Variants in COPB1 observed in about 807,000 individuals in gnomAD.
COPB1 encodes coat protein complex I subunit beta 1, also known as coatomer subunit beta.
COPB1 carries 21 observed loss-of-function variants against 108.7 expected under a neutral mutation model. That is an observed-to-expected ratio of 0.19 (90% CI 0.14 to 0.28). The LOEUF is 0.28. COPB1 is among the 10% of genes least tolerant of loss of function. The pLI, the probability that COPB1 is intolerant of heterozygous loss-of-function variation, is 1.00. For missense variants in COPB1, 919 were observed against 1,141.3 expected (o/e 0.81, Z 2.81); for synonymous variants, 378 against 386.8 (o/e 0.98, Z 0.27).
chr11:14,498,454 A>G (rs1185430635), intron 2 of COPB1, among the ~76,000 whole-genome samples: 1 of 152,166 alleles, frequency 6.6e-6, no homozygotes, highest in Non-Finnish European at 1.5e-5. Context: ...CAAAGAACAA[A>G]GTTCTTTTGG....
intron 14 of COPB1, among the ~76,000 whole-genome samples, chr11:14,472,458 C>A (rs1055045949): frequency 6.6e-6 from 1 of 152,110 alleles, no homozygotes. Context: ...TTCTTAAGAG[C>A]CCTAGGATTT....
chr11:14,494,025 A>T (rs1850966720), intron 3 of COPB1, among the ~76,000 whole-genome samples, 185 bp downstream of exon 3: 1 of 152,216 alleles, frequency 6.6e-6, no homozygotes, highest in South Asian at 2.1e-4. Context: ...ATATACACAT[A>T]AAATGCATAG....
intron 20 of COPB1, among the ~76,000 whole-genome samples, chr11:14,459,071 T>C (rs1448442512): frequency 6.6e-6 from 1 of 152,082 alleles, no homozygotes; most frequent in Non-Finnish European, 1.5e-5. Context: ...CCCAGCCCCA[T>C]TGGTTATTTA....
intron 11 of COPB1, among the ~76,000 whole-genome samples, chr11:14,479,176 T>C (rs1404297905): frequency 6.6e-6 from 1 of 152,186 alleles, no homozygotes; most frequent in Non-Finnish European, 1.5e-5. Context: ...GCAACAGTCC[T>C]TTCTCATTAG....
intron 7 of COPB1, 82 bp downstream of exon 7, chr11:14,486,285 G>C (rs1850772522): frequency 1.3e-6 from 2 of 1,500,924 alleles, no homozygotes; most frequent in African/African-American, 2.8e-5. Flanking sequence ...TAACCACATA[G>C]TGAATTGAAA....
At chr11:14,477,401 A>AAAAAAAAAAAAAAAAC in intron 11 of COPB1, among the ~76,000 whole-genome samples, 1 of 149,220 alleles carries the variant, frequency 6.7e-6, no homozygotes, top group Non-Finnish European at 1.5e-5. Flanking sequence ...AAAAAAAAAA[A>AAAAAAAAAAAAAAAAC]AAAACAAGGG....
At chr11:14,482,019 T>C (rs1208208970) in intron 8 of COPB1, among the ~76,000 whole-genome samples, 1 of 152,186 alleles carries the variant, frequency 6.6e-6, no homozygotes, top group Non-Finnish European at 1.5e-5. Flanking sequence ...CTCGAACTCC[T>C]GACCTCAGGT....
chr11:14,490,890 A>G (rs2134124936), intron 4 of COPB1, among the ~76,000 whole-genome samples: 1 of 152,006 alleles, frequency 6.6e-6, no homozygotes, highest in Non-Finnish European at 1.5e-5. Flanking sequence ...CCAGGGTTCA[A>G]GCAATTCTCC....
Position 14,468,719 on chromosome 11 carries a change from T to A in COPB1, c.2107A>T (p.Lys703Ter), listed in dbSNP as rs1439160656. 6.2e-7 allele frequency: 1 copy of A among 1,614,168 alleles called. No individual in the cohort carries two copies. Among genetic ancestry groups the A allele is most frequent in the Non-Finnish European group, 8.5e-7 (1 of 1,180,026 alleles). ...LLAAMGNTQR[K>*]EAADPLASKL... ...GATGCTAGGGGATCTGCTGCCTCTT[T>A]CCTCTGTGTGTTACCCATTGCTGCC... is the stretch of plus-strand genomic sequence containing the variant. Residue 703 changes from lysine (K) to a stop codon, truncating the protein, a stop_gained, in exon 16 of 22, where the codon AAA becomes TAA. Transcript: ENST00000439561. LOFTEE classifies it high-confidence loss of function.
chr11:14,479,271 T>C (rs1242892471), intron 11 of COPB1, among the ~76,000 whole-genome samples: 1 of 152,198 alleles, frequency 6.6e-6, no homozygotes, highest in South Asian at 2.1e-4. Flanking sequence ...ATATAAATAA[T>C]AGTAATAGCC....
chr11:14,494,270 T>C lies in COPB1; in HGVS notation c.261A>G (p.Lys87=), dbSNP rs1249373749. 1.2e-6 allele frequency: 2 copies of C among 1,613,772 alleles called. No individual in the cohort carries two copies. Among genetic ancestry groups the C allele is most frequent in the African/African-American group, 2.7e-5 (2 of 74,910 alleles). The change falls in exon 3 of 22, where the codon AAA becomes AAG. Residue 87 remains lysine (K), a synonymous_variant. Coordinates refer to ENST00000439561, the MANE Select transcript of COPB1 (RefSeq NM_001144061.2). ...LLLVFWEIVP[K]TTPDGRLLHE... ...GTAAAAGTCTCCCATCTGGAGTTGT[T>C]TTAGGAACAATTTCCCAAAATACCA... is the stretch of plus-strand genomic sequence containing the variant.
intron 8 of COPB1, among the ~76,000 whole-genome samples, chr11:14,482,540 ATT>A (rs36093434): frequency 6.8e-6 from 1 of 147,230 alleles, no homozygotes. Flanking sequence ...TTAGAAAAAC[ATT>A]TTTTTTTTTT....
chr11:14,497,578 G>C (rs1462243483), intron 2 of COPB1, among the ~76,000 whole-genome samples: 1 of 152,072 alleles, frequency 6.6e-6, no homozygotes, highest in African/African-American at 2.4e-5. Flanking sequence ...GGGAACCCTC[G>C]TACACTGTTG....
At chr11:14,498,747 C>T (rs1851082361) in intron 2 of COPB1, 91 bp downstream of exon 2, 1 of 1,000,678 alleles carries the variant, frequency 1.0e-6, no homozygotes, top group Non-Finnish European at 1.4e-6. Flanking sequence ...AAAAATTAAG[C>T]ATTTCTAATT....
chr11:14,472,038 C>T (rs920832364), intron 14 of COPB1, among the ~76,000 whole-genome samples: 3 of 152,126 alleles, frequency 2.0e-5, no homozygotes, highest in Non-Finnish European at 2.9e-5. Context: ...CAACATAATA[C>T]GAAAGCTGAA....
Position 14,486,353 on chromosome 11 carries a change from G to A in COPB1, c.837+14C>T. On this transcript the variant is annotated intron_variant, in intron 7 of 21. Coordinates refer to ENST00000439561, the MANE Select transcript of COPB1 (RefSeq NM_001144061.2). ...TCTATCATCTAATCTGGCCCCAAAA[G>A]AAATACACAGTACCTTGATTGCAGT... 6.2e-7 allele frequency: 1 copy of A among 1,613,702 alleles called. No individual in the cohort carries two copies. The highest frequency in any genetic ancestry group is 1.1e-5 in the South Asian group (1 of 91,050).
intron 5 of COPB1, among the ~76,000 whole-genome samples, chr11:14,490,141 C>T (rs940525743): frequency 6.6e-6 from 1 of 152,144 alleles, no homozygotes; most frequent in African/African-American, 2.4e-5. Context: ...GTGGAGTTGG[C>T]ACCCGTGTAT....
In COPB1 at chr11:14,476,971, GTAC is replaced by G; in HGVS notation, c.1400_1402del (p.Ser467del). 1 of 1,612,654 alleles carries G rather than the reference GTAC, an allele frequency of 6.2e-7. No individual in the cohort carries two copies. On this transcript the variant is annotated inframe_deletion, in exon 12 of 22. Coordinates refer to ENST00000439561, the MANE Select transcript of COPB1 (RefSeq NM_001144061.2). Reference sequence around the variant, plus strand: ...CATCACACTCTGAATGTCTTCCTTGGTACTACAGTATTCTCCCAGGATCCATAA... The same window carrying G: ...CATCACACTCTGAATGTCTTCCTTGGTACAGTATTCTCCCAGGATCCATAA...
At chr11:14,471,148 A>G (rs1270429542) in intron 14 of COPB1, among the ~76,000 whole-genome samples, 2 of 152,238 alleles carry the variant, frequency 1.3e-5, no homozygotes, top group Non-Finnish European at 2.9e-5. Context: ...GTTGCCAACA[A>G]ATCTGCACTA....
Sources: allele counts gnomAD v4.1 joint callset (sites outside exome capture counted in the v4.1 genomes callset), GRCh38; gene constraint gnomAD v4.1.1; transcripts MANE v1.5; gene names NCBI Gene and HGNC (gene_info 2026-07-23, HGNC 2026-07-21).